The following IFT122 variants were observed in gnomAD, a reference collection of about 807,000 sequenced individuals.
IFT122 encodes the protein intraflagellar transport 122.
In IFT122, 118 loss-of-function variants were observed where a neutral mutation model predicts 161.6. The ratio of observed to expected loss-of-function variants is 0.73; its 90% CI spans 0.63 to 0.85. IFT122 has a LOEUF of 0.85. Ranked by LOEUF, IFT122 falls within the 40% of genes least tolerant of loss-of-function variation. The pLI is 0.00. For missense variants in IFT122, 1,381 were observed against 1,579.6 expected, an observed-to-expected ratio of 0.87 and a Z score of 2.13; for synonymous variants, 550 against 602.4, an observed-to-expected ratio of 0.91 and a Z score of 1.27.
intron 23 of IFT122, among the ~76,000 whole-genome samples, 191 bp from the exon 24 acceptor site, chr3:129,512,121 C>T (rs1371725117): frequency 1.3e-5 from 2 of 152,086 alleles, no homozygotes; most frequent in African/African-American, 4.8e-5. Context: ...AAATGCATAC[C>T]ACAAGGTTAT....
intron 26 of IFT122, 68 bp downstream of exon 26, chr3:129,515,667 T>G: frequency 7.1e-7 from 1 of 1,412,908 alleles, no homozygotes. Context: ...TCCACTGCTC[T>G]CTGGCCTCAG....
chr3:129,458,492 GC>G, intron 3 of IFT122, 106 bp from the exon 4 acceptor site: 1 of 950,588 alleles, frequency 1.1e-6, no homozygotes, highest in Non-Finnish European at 1.7e-6. Flanking sequence ...TAGGAAAGAA[GC>G]TAACACTTAC....
chr3:129,442,465 A>G (rs944309284), intron 1 of IFT122, among the ~76,000 whole-genome samples: 1 of 152,012 alleles, frequency 6.6e-6, no homozygotes, highest in African/African-American at 2.4e-5. Flanking sequence ...CCCATTACAG[A>G]TTTGAGACAA....
intron 3 of IFT122, 105 bp from the exon 4 acceptor site, chr3:129,458,494 T>A: frequency 1.0e-6 from 1 of 964,074 alleles, no homozygotes; most frequent in South Asian, 1.3e-5. Context: ...GGAAAGAAGC[T>A]AACACTTACT....
At chr3:129,491,799 C>A (rs2080129689) in intron 16 of IFT122, among the ~76,000 whole-genome samples, 3 of 152,144 alleles carry the variant, frequency 2.0e-5, no homozygotes, top group Admixed American at 2.0e-4. Context: ...TGCTGCGTGA[C>A]CCCCCAGAGG....
At chr3:129,512,268 G>C (rs1466671077) in intron 23 of IFT122, 44 bp from the exon 24 acceptor site, 3 of 1,384,036 alleles carry the variant, frequency 2.2e-6, no homozygotes, top group South Asian at 2.3e-5. Context: ...CCCAGCAGCA[G>C]CTCTTGAAGA....
At chr3:129,514,758 G>T (rs1160604092) in intron 25 of IFT122, 9 of 676,712 alleles carry the variant, frequency 1.3e-5, no homozygotes, top group Non-Finnish European at 1.8e-5. Flanking sequence ...CCTGGCGCCC[G>T]CTCACAGCCC....
In IFT122 at chr3:129,458,691, G is replaced by T; in HGVS notation, c.272+14G>T. 2 of 1,576,648 alleles carry T rather than the reference G, an allele frequency of 1.3e-6. No individual in the cohort carries two copies. The highest frequency in any genetic ancestry group is 1.7e-6 in the Non-Finnish European group (2 of 1,145,978). On this transcript the variant is annotated intron_variant, in intron 4 of 29. Coordinates refer to ENST00000348417, the MANE Select transcript of IFT122 (RefSeq NM_052989.3). ...TCTGAAGTACACGTAAGTAACTTAGGTGTACAGTATTATGAGTTTGATGCT... is the reference window on the plus strand; with the variant it reads ...TCTGAAGTACACGTAAGTAACTTAGTTGTACAGTATTATGAGTTTGATGCT...
chr3:129,469,425 GC>G lies in IFT122; in HGVS notation c.816+11del. ...CAGCTGAGTGGAAAACAGGTATGTA[GC>G]CCTGTACAAATCCAATTGCAGTCAT... On this transcript the variant is annotated intron_variant, in intron 9 of 29. Transcript: ENST00000348417. The G allele has an allele frequency of 6.2e-7, 1 of 1,607,716 alleles. No homozygotes were observed. The highest frequency in any genetic ancestry group is 1.1e-5 in the South Asian group (1 of 90,946).
chr3:129,459,133 A>G (rs918529969), intron 4 of IFT122, among the ~76,000 whole-genome samples: 3 of 152,160 alleles, frequency 2.0e-5, no homozygotes, highest in Non-Finnish European at 4.4e-5. Flanking sequence ...CTCAAATGTC[A>G]GTTTCTTTGT....
chr3:129,469,049 C>G (rs945236792), intron 8 of IFT122, among the ~76,000 whole-genome samples: 1 of 152,160 alleles, frequency 6.6e-6, no homozygotes, highest in Admixed American at 6.6e-5. Flanking sequence ...CCAGTAAGCT[C>G]TGAAATGAGA....
intron 16 of IFT122, 113 bp from the exon 17 acceptor site, chr3:129,492,028 C>T (rs1193593631): frequency 1.2e-6 from 1 of 821,738 alleles, no homozygotes; most frequent in East Asian, 2.4e-5. Flanking sequence ...TTGCTCCCTT[C>T]CTCTCCTCTG....
intron 16 of IFT122, among the ~76,000 whole-genome samples, chr3:129,490,746 C>T (rs930030113): frequency 5.3e-5 from 8 of 152,198 alleles, no homozygotes; most frequent in African/African-American, 1.4e-4. Flanking sequence ...CCTCTCAAGG[C>T]GCTTTAAGGA....
intron 19 of IFT122, among the ~76,000 whole-genome samples, chr3:129,500,514 C>A (rs956998844): frequency 3.0e-4 from 46 of 152,310 alleles, no homozygotes; most frequent in African/African-American, 1.0e-3. Context: ...GATGTCGATG[C>A]CAACTACGCG....
At chr3:129,442,518 C>G (rs1345143502) in intron 1 of IFT122, among the ~76,000 whole-genome samples, 1 of 151,734 alleles carries the variant, frequency 6.6e-6, no homozygotes, top group African/African-American at 2.4e-5. Flanking sequence ...GACCATCAAT[C>G]CTGATGGCTG....
At chr3:129,487,017 A>T (rs1049890406) in intron 15 of IFT122, among the ~76,000 whole-genome samples, 3 of 152,166 alleles carry the variant, frequency 2.0e-5, no homozygotes, top group Non-Finnish European at 4.4e-5. Context: ...GACTCAAAAT[A>T]AAAAAAATTC....
In IFT122 at chr3:129,466,905, C is replaced by G. The variant is rs1462385120; in HGVS notation, c.579C>G (p.Phe193Leu). ...CWNPSSRWES[F>L]WMNRENEDAE... ...CTGTCTACAGCCGATGGGAGAGTTTCTGGATGAACAGAGAGAATGAGGATG... is the reference window on the plus strand; with the variant it reads ...CTGTCTACAGCCGATGGGAGAGTTTGTGGATGAACAGAGAGAATGAGGATG... The change falls in exon 8 of 30, where the codon TTC becomes TTG. Residue 193 changes from phenylalanine to leucine, a missense_variant. Physicochemically the swap from Phe to Leu is conservative, Grantham distance 22. Transcript: ENST00000348417. 1.9e-6 allele frequency: 3 copies of G among 1,614,118 alleles called. No homozygotes were observed. Among genetic ancestry groups the G allele is most frequent in the Non-Finnish European group, 2.5e-6 (3 of 1,179,952 alleles).
rs1444309605 is a variant in IFT122, at chr3:129,441,158, T to TA, written c.41+788dup. On this transcript the variant is annotated intron_variant, in intron 1 of 29. Transcript: ENST00000348417. ...ATAGCAGTCTGTTTTGTCATATTCT[T>TA]ACTTATGGGATAGGTCTTGGCCTGA... 1.7e-4 allele frequency among the ~76,000 whole-genome samples: 26 copies of TA among 152,258 alleles called. 1 individual carries two copies. Among genetic ancestry groups the TA allele is most frequent in the African/African-American group, 5.5e-4 (23 of 41,472 alleles).
intron 9 of IFT122, among the ~76,000 whole-genome samples, chr3:129,474,894 C>T (rs1283926106): frequency 1.3e-5 from 2 of 152,174 alleles, no homozygotes; most frequent in East Asian, 1.9e-4. Context: ...GTGGTTCACA[C>T]GTGTAATCCC....
Sources: allele counts gnomAD v4.1 joint callset (sites outside exome capture counted in the v4.1 genomes callset), GRCh38; gene constraint gnomAD v4.1.1; transcripts MANE v1.5; gene names NCBI Gene and HGNC (gene_info 2026-07-23, HGNC 2026-07-21).